Variants in WSB2 observed in about 807,000 individuals in gnomAD.
WSB2 encodes WD repeat and SOCS box containing 2.
In WSB2, 12 loss-of-function variants were observed where a neutral mutation model predicts 48.8. The ratio of observed to expected loss-of-function variants is 0.25; its 90% CI spans 0.16 to 0.40. The LOEUF (loss-of-function observed/expected upper bound fraction) is 0.40. Ranked by LOEUF, WSB2 falls within the 10% of genes least tolerant of loss-of-function variation. WSB2 has a pLI of 1.00. For missense variants in WSB2, 317 were observed against 506.2 expected, an observed-to-expected ratio of 0.63 and a Z score of 3.59; for synonymous variants, 191 against 203.1, an observed-to-expected ratio of 0.94 and a Z score of 0.51.
At chr12:118,039,176 G>A (rs1172821911) in intron 4 of WSB2, among the ~76,000 whole-genome samples, 2 of 152,174 alleles carry the variant, frequency 1.3e-5, no homozygotes, top group Non-Finnish European at 2.9e-5. Flanking sequence ...GAGCAGTGGT[G>A]TGGAGTCACT....
intron 4 of WSB2, among the ~76,000 whole-genome samples, chr12:118,040,512 G>T (rs529964908): frequency 6.6e-6 from 1 of 152,250 alleles, no homozygotes; most frequent in Non-Finnish European, 1.5e-5. Flanking sequence ...TGTAATCCCA[G>T]CACTTTGGGA....
rs780697348 is a variant in WSB2 at position 118,034,313 on chromosome 12, C to T, written c.1098G>A (p.Leu366=). 5.6e-5 allele frequency: 90 copies of T among 1,614,080 alleles called. No individual in the cohort carries two copies. The highest frequency in any genetic ancestry group is 7.3e-5 in the Non-Finnish European group (86 of 1,180,038). The part of the protein sequence containing the change: ...HVQFWTAPRV[L]SSLKHLCRKA... ...TCCGGCATAAGTGCTTCAGTGAGGA[C>T]AGGACCCTAGGAGCTGTCCAGAACT... The change falls in exon 9 of 9, where the codon CTG becomes CTA. Residue 366 remains leucine, a synonymous_variant. Coordinates refer to ENST00000315436, the MANE Select transcript of WSB2 (RefSeq NM_018639.5).
rs566513178 is a variant in WSB2 at position 118,036,794 on chromosome 12, ACTTCTGAGTCTG to A, written c.661-296_661-285del. On this transcript the variant is annotated intron_variant, in intron 5 of 8. Coordinates refer to ENST00000315436, the MANE Select transcript of WSB2 (RefSeq NM_018639.5). ...CCCCTGCTGAAACGCATGTGCAGAG[ACTTCTGAGTCTG>A]CTTCTGAGTCCTGTTTGCCAATAGG... is the stretch of plus-strand genomic sequence containing the variant. 6.7e-3 allele frequency among the ~76,000 whole-genome samples: 1,026 copies of A among 152,316 alleles called. 5 individuals are homozygous for A. Among genetic ancestry groups the A allele is most frequent in the South Asian group, 0.01 (50 of 4,830 alleles).
At chr12:118,055,255 T>C (rs2137797539) in intron 1 of WSB2, among the ~76,000 whole-genome samples, 1 of 152,156 alleles carries the variant, frequency 6.6e-6, no homozygotes, top group East Asian at 1.9e-4. Context: ...ACAACTGGAG[T>C]TGCTACTACT....
intron 1 of WSB2, among the ~76,000 whole-genome samples, chr12:118,057,817 G>GCACTGC (rs2031985487): frequency 6.8e-6 from 1 of 147,830 alleles, no homozygotes; most frequent in Admixed American, 6.8e-5. Context: ...TGCAGTGGCT[G>GCACTGC]AATCACAGCT....
At chr12:118,050,192 A>G (rs1386258469) in intron 2 of WSB2, among the ~76,000 whole-genome samples, 1 of 152,142 alleles carries the variant, frequency 6.6e-6, no homozygotes, top group African/African-American at 2.4e-5. Flanking sequence ...CTCAAAAGAA[A>G]AAAAAAGAAA....
chr12:118,041,187 T>A (rs2031629180), intron 4 of WSB2, among the ~76,000 whole-genome samples: 1 of 152,238 alleles, frequency 6.6e-6, no homozygotes, highest in South Asian at 2.1e-4. Flanking sequence ...CATAAAGCCC[T>A]AATCCCCAAT....
chr12:118,041,748 C>CT (rs150072011), intron 4 of WSB2, among the ~76,000 whole-genome samples: 2,353 of 101,468 alleles, frequency 0.023, 66 homozygotes, highest in Middle Eastern at 0.04. Flanking sequence ...TCTTATGTCA[C>CT]TTTTTTTTTT....
intron 1 of WSB2, among the ~76,000 whole-genome samples, chr12:118,059,329 G>A (rs749126558): frequency 1.3e-5 from 2 of 151,714 alleles, no homozygotes; most frequent in Non-Finnish European, 1.5e-5. Flanking sequence ...TTTTAATGTG[G>A]CTACTTGAAC....
chr12:118,041,744 G>A (rs577222198), intron 4 of WSB2, among the ~76,000 whole-genome samples: 1 of 140,494 alleles, frequency 7.1e-6, no homozygotes, highest in African/African-American at 2.7e-5. Flanking sequence ...CCTCTCTTAT[G>A]TCACTTTTTT....
At chr12:118,058,531 T>C (rs2032004433) in intron 1 of WSB2, among the ~76,000 whole-genome samples, 1 of 151,846 alleles carries the variant, frequency 6.6e-6, no homozygotes, top group Non-Finnish European at 1.5e-5. Context: ...TCGGTATTTT[T>C]TGCAGAGATG....
chr12:118,040,064 T>A (rs968466943), intron 4 of WSB2, among the ~76,000 whole-genome samples: 4 of 151,900 alleles, frequency 2.6e-5, no homozygotes, highest in African/African-American at 9.7e-5. Flanking sequence ...TCCCAGCTAC[T>A]CCAGAGACTG....
At chr12:118,043,568 C>G (rs1593466934) in intron 2 of WSB2, among the ~76,000 whole-genome samples, 191 bp from the exon 3 acceptor site, 1 of 152,150 alleles carries the variant, frequency 6.6e-6, no homozygotes, top group East Asian at 1.9e-4. Context: ...CTCAGATCCA[C>G]CAAGTAGCTA....
rs2032041355 is a variant in WSB2 at position 118,060,510 on chromosome 12, G to GC, written c.13+525dup. Among the ~76,000 whole-genome samples, 1 of 152,088 alleles carries GC rather than the reference G, an allele frequency of 6.6e-6. No homozygotes were observed. The highest frequency in any genetic ancestry group is 2.4e-5 in the African/African-American group (1 of 41,422). ...CAGACCCCATTTTTACCGGGTCCCA[G>GC]CCACCCTCCGAGGAAGGTACTAGGA... On this transcript the variant is annotated intron_variant, in intron 1 of 8. Transcript: ENST00000315436. The surrounding 1 kb of genome is among the most constrained non-coding windows in gnomAD (Gnocchi z 4.1).
chr12:118,036,590 A>G, intron 5 of WSB2, 80 bp from the exon 6 acceptor site: 1 of 1,448,270 alleles, frequency 6.9e-7, no homozygotes, highest in South Asian at 1.4e-5. Flanking sequence ...AGGTACCACC[A>G]CCAAATCTGC....
In WSB2 at chr12:118,036,329, A is replaced by C. The variant is rs1193903248; in HGVS notation, c.833+9T>G. On this transcript the variant is annotated intron_variant, in intron 6 of 8. Coordinates refer to ENST00000315436, the MANE Select transcript of WSB2 (RefSeq NM_018639.5). ...CACAAAAAAGTCATAGCAGGGATTC[A>C]GTCCTTACTGGAGTGACCTCAGCCT... 2.3e-5 allele frequency: 37 copies of C among 1,610,752 alleles called. No individual in the cohort carries two copies. Among genetic ancestry groups the C allele is most frequent in the Non-Finnish European group, 3.1e-5 (36 of 1,177,750 alleles).
intron 1 of WSB2, among the ~76,000 whole-genome samples, chr12:118,054,595 G>A (rs1340359542): frequency 2.0e-5 from 3 of 151,682 alleles, no homozygotes; most frequent in East Asian, 1.9e-4. Context: ...GCTTGAACCC[G>A]GGAGGCGGAA....
In WSB2 at chr12:118,034,172, A is replaced by T; in HGVS notation, c.*24T>A. 6.2e-7 allele frequency: 1 copy of T among 1,613,764 alleles called. No individual in the cohort carries two copies. Among genetic ancestry groups the T allele is most frequent in the Non-Finnish European group, 8.5e-7 (1 of 1,179,742 alleles). On this transcript the variant is annotated 3_prime_UTR_variant, in exon 9 of 9. Coordinates refer to ENST00000315436, the MANE Select transcript of WSB2 (RefSeq NM_018639.5). Reference sequence around the variant, plus strand: ...TGACAGGACGATTTACCCTGCTACAAAGAAGCACAAGATGTGGTGTTGCTT... The same window carrying T: ...TGACAGGACGATTTACCCTGCTACATAGAAGCACAAGATGTGGTGTTGCTT...
At chr12:118,038,775 A>C (rs1384892060) in intron 4 of WSB2, among the ~76,000 whole-genome samples, 1 of 151,950 alleles carries the variant, frequency 6.6e-6, no homozygotes, top group Non-Finnish European at 1.5e-5. Context: ...CTGCCTCCCA[A>C]GTTGAAGCGA....
Sources: allele counts gnomAD v4.1 joint callset (sites outside exome capture counted in the v4.1 genomes callset), GRCh38; gene constraint gnomAD v4.1.1; non-coding constraint Gnocchi (gnomAD v3.1); transcripts MANE v1.5; gene names NCBI Gene and HGNC (gene_info 2026-07-23, HGNC 2026-07-21).